Variants in PPARD observed in about 807,000 individuals in gnomAD.
The protein encoded by PPARD is peroxisome proliferator activated receptor delta, also known as peroxisome proliferator-activated receptor delta.
Under a neutral mutation model 39.5 loss-of-function variants are expected in PPARD, and 6 were observed. The observed-to-expected ratio is 0.15, with a 90% CI of 0.08 to 0.30. PPARD has a LOEUF of 0.30. PPARD is among the 10% of genes least tolerant of loss of function. PPARD has a pLI of 1.00. For missense variants in PPARD, 397 were observed against 596.8 expected, an observed-to-expected ratio of 0.67 and a Z score of 3.49; for synonymous variants, 210 against 231.3, an observed-to-expected ratio of 0.91 and a Z score of 0.83.
intron 2 of PPARD, chr6:35,348,458 A>G (rs1761022755): frequency 2.0e-6 from 2 of 985,378 alleles, no homozygotes; most frequent in Non-Finnish European, 2.4e-6. Context: ...ATAAACTCTC[A>G]GAAGTGGAGC....
In PPARD at chr6:35,411,166, C is replaced by T. The variant is rs1288059324; in HGVS notation, c.79C>T (p.Pro27Ser). 2 of 1,574,412 alleles carry T rather than the reference C, an allele frequency of 1.3e-6. No homozygotes were observed. The highest frequency in any genetic ancestry group is 2.4e-5 in the East Asian group (1 of 41,350). The change falls in exon 3 of 8, where the codon CCA becomes TCA. Residue 27 changes from proline (P) to serine (S), a missense_variant. Coordinates refer to ENST00000360694, the MANE Select transcript of PPARD (RefSeq NM_006238.5). ...GGAAGTGGCAGAGGCAGAAGGAGCC[C>T]CAGAGCTCAATGGGGGACCACAGCA... ...KEEVAEAEGAPELNGGPQHAL... is the reference protein window; with the variant it reads ...KEEVAEAEGASELNGGPQHAL...
At chr6:35,396,369 C>T (rs865904758) in intron 2 of PPARD, among the ~76,000 whole-genome samples, 1 of 150,994 alleles carries the variant, frequency 6.6e-6, no homozygotes, top group South Asian at 2.1e-4. Context: ...CACGCCTGGC[C>T]AATTTTTTGT....
At chr6:35,406,909 G>A (rs546074515) in intron 2 of PPARD, among the ~76,000 whole-genome samples, 14 of 152,276 alleles carry the variant, frequency 9.2e-5, no homozygotes, top group South Asian at 2.1e-4. Flanking sequence ...AAGCTCTGCC[G>A]TTTTCTGCTT....
At chr6:35,396,854 T>C (rs1562204693) in intron 2 of PPARD, among the ~76,000 whole-genome samples, 1 of 151,814 alleles carries the variant, frequency 6.6e-6, no homozygotes, top group Non-Finnish European at 1.5e-5. Context: ...TGAGACAGGG[T>C]CTTTCTGTGT....
intron 2 of PPARD, among the ~76,000 whole-genome samples, chr6:35,361,405 T>G (rs1408540126): frequency 6.6e-6 from 1 of 152,124 alleles, no homozygotes; most frequent in African/African-American, 2.4e-5. Context: ...ACCAGCACTT[T>G]GGGAGGCCAA....
chr6:35,376,349 T>C (rs1228198021), intron 2 of PPARD, among the ~76,000 whole-genome samples: 2 of 152,248 alleles, frequency 1.3e-5, no homozygotes, highest in Non-Finnish European at 2.9e-5. Flanking sequence ...ATTTGTTCTT[T>C]CTGTGTTCCT....
chr6:35,371,318 G>A (rs73745202), intron 2 of PPARD, among the ~76,000 whole-genome samples: 7,306 of 151,818 alleles, frequency 0.048, 353 homozygotes, highest in African/African-American at 0.12. Context: ...TCCTCTTTCC[G>A]CTGCCTGAGT....
intron 2 of PPARD, among the ~76,000 whole-genome samples, chr6:35,387,093 C>T (rs1763713543): frequency 6.6e-6 from 1 of 152,102 alleles, no homozygotes; most frequent in Admixed American, 6.5e-5. Flanking sequence ...GCCCTGGGCC[C>T]CTTATTTCCC....
Position 35,424,985 on chromosome 6 carries a change from A to G in PPARD, c.1078+206A>G. The stretch of plus-strand genomic sequence containing the variant: ...GTAGATAGAGGTGGAGACAGGAAAA[A>G]GACTAAGCCAGACGTGGTGGCTCAC... On this transcript the variant is annotated intron_variant, in intron 7 of 7. Transcript: ENST00000360694. This position sits in a 1 kb window ranked among gnomAD's most constrained non-coding sequence, Gnocchi z 7.1. The G allele has an allele frequency of 1.4e-6, 2 of 1,413,250 alleles. No homozygotes were observed. Among genetic ancestry groups the G allele is most frequent in the Non-Finnish European group, 1.8e-6 (2 of 1,086,324 alleles). 87.5% of individuals were successfully genotyped at this position (1,413,250 alleles called of 1,614,324 possible).
At chr6:35,349,687 G>GT (rs111494920) in intron 2 of PPARD, among the ~76,000 whole-genome samples, 7,982 of 150,060 alleles carry the variant, frequency 0.053, 407 homozygotes, top group African/African-American at 0.14. Flanking sequence ...GTTTGTTTTT[G>GT]TTTTTTTTTA....
In PPARD at chr6:35,423,908, G is replaced by A. The variant is rs778696226; in HGVS notation, c.425-38G>A. The A allele has an allele frequency of 1.5e-5, 24 of 1,607,218 alleles. No individual in the cohort carries two copies. The Admixed American group carries it at 3.7e-4, about 25-fold the overall frequency. ...GGGGATGTCAGAGGTGCTGGGGCCT[G>A]CCTGGGCTCCTTGCTGACTGCCCCC... is the stretch of plus-strand genomic sequence containing the variant. On this transcript the variant is annotated intron_variant, in intron 5 of 7. Coordinates refer to ENST00000360694, the MANE Select transcript of PPARD (RefSeq NM_006238.5).
intron 2 of PPARD, among the ~76,000 whole-genome samples, chr6:35,365,302 T>TTG (rs1403145088): frequency 1.1e-4 from 17 of 148,440 alleles, no homozygotes; most frequent in African/African-American, 2.3e-4. Context: ...CAGCTAATTT[T>TTG]TGTGTGTGTG....
intron 2 of PPARD, among the ~76,000 whole-genome samples, chr6:35,383,882 C>G (rs1465104739): frequency 6.8e-6 from 1 of 146,138 alleles, no homozygotes; most frequent in South Asian, 2.1e-4. Context: ...GCAGCCACCC[C>G]GTCTGGGAAG....
chr6:35,380,471 TGTTTG>T (rs749597356), intron 2 of PPARD, among the ~76,000 whole-genome samples: 807 of 78,988 alleles, frequency 0.01, 14 homozygotes, highest in African/African-American at 0.071. Context: ...TTTTTTTTTT[TGTTTG>T]TTTTTTTTTT....
chr6:35,351,995 A>G (rs1191491456), intron 2 of PPARD, among the ~76,000 whole-genome samples: 1 of 150,212 alleles, frequency 6.7e-6, no homozygotes, highest in Non-Finnish European at 1.5e-5. Flanking sequence ...CAGCCTCCCA[A>G]GTAGCTAAGA....
chr6:35,422,065 C>T, intron 5 of PPARD, 107 bp downstream of exon 5: 4 of 1,331,388 alleles, frequency 3.0e-6, no homozygotes, highest in Non-Finnish European at 4.0e-6. Context: ...TAGAGCAGTG[C>T]CTGGCGCACA....
At chr6:35,380,545 G>C (rs1392853345) in intron 2 of PPARD, among the ~76,000 whole-genome samples, 1 of 123,226 alleles carries the variant, frequency 8.1e-6, no homozygotes, top group Non-Finnish European at 1.6e-5. Context: ...CTGTAGTGCA[G>C]TAGCACAATC....
chr6:35,417,193 A>G (rs927233357), intron 3 of PPARD, among the ~76,000 whole-genome samples: 5 of 151,868 alleles, frequency 3.3e-5, no homozygotes, highest in African/African-American at 1.2e-4. Context: ...AGATAGAGAC[A>G]GGGTCTCACT....
intron 2 of PPARD, among the ~76,000 whole-genome samples, chr6:35,369,314 A>G (rs573953188): frequency 1.3e-5 from 2 of 152,372 alleles, no homozygotes; most frequent in South Asian, 4.1e-4. Flanking sequence ...GATGTAAGTC[A>G]TAAAGTCCAC....
Sources: gnomAD v4.1 joint callset for allele counts (sites outside exome capture counted in the v4.1 genomes callset) on GRCh38, gnomAD v4.1.1 for gene constraint, Gnocchi (gnomAD v3.1) non-coding constraint, MANE v1.5 for transcripts, NCBI Gene and HGNC (gene_info 2026-07-23, HGNC 2026-07-21) for gene names.